EGF: variants seen among roughly 807,000 people sequenced by gnomAD.
EGF encodes the protein epidermal growth factor, also known as pro-epidermal growth factor.
In EGF, 95 loss-of-function variants were observed where a neutral mutation model predicts 143.8. The ratio of observed to expected loss-of-function variants is 0.66; its 90% CI spans 0.56 to 0.78. The LOEUF (loss-of-function observed/expected upper bound fraction) is 0.78. EGF is among the 30% of genes least tolerant of loss of function. The pLI, the probability that EGF is intolerant of heterozygous loss-of-function variation, is 0.00. For missense variants in EGF, 1,320 were observed against 1,470.9 expected (o/e 0.90, Z 1.68); for synonymous variants, 510 against 510.5 (o/e 1.00, Z 0.01).
At chr4:110,011,067 C>T (rs753629618) in intron 23 of EGF, 135 bp from the exon 24 acceptor site, 82 of 1,001,354 alleles carry the variant, frequency 8.2e-5, no homozygotes, top group Non-Finnish European at 1.2e-4. Flanking sequence ...AAAAATGTGT[C>T]TAGAGTAGTT....
chr4:109,946,193 C>T (rs1338550911), intron 5 of EGF, among the ~76,000 whole-genome samples: 1 of 152,162 alleles, frequency 6.6e-6, no homozygotes, highest in African/African-American at 2.4e-5. Flanking sequence ...CAGACAGGTA[C>T]GTTTTGTTTG....
chr4:110,002,129 C>G (rs1265888810), intron 21 of EGF: 3 of 760,434 alleles, frequency 3.9e-6, no homozygotes, highest in Non-Finnish European at 4.8e-6. Context: ...TATTTCCTCC[C>G]TTATACCATT....
intron 1 of EGF, among the ~76,000 whole-genome samples, chr4:109,939,576 A>G (rs1741554108): frequency 6.6e-6 from 1 of 152,196 alleles, no homozygotes; most frequent in Admixed American, 6.5e-5. Context: ...AGTGGGATGA[A>G]CCAGGTACCT....
intron 1 of EGF, among the ~76,000 whole-genome samples, chr4:109,932,267 A>G (rs1217262312): frequency 4.7e-5 from 7 of 148,492 alleles, no homozygotes; most frequent in Admixed American, 1.3e-4. Flanking sequence ...TGTACAGAGG[A>G]TTGTACTGCA....
At chr4:109,965,740 C>T (rs1746451226) in intron 10 of EGF, among the ~76,000 whole-genome samples, 1 of 152,034 alleles carries the variant, frequency 6.6e-6, no homozygotes, top group Non-Finnish European at 1.5e-5. Flanking sequence ...CTGCAGTCCT[C>T]CAGGTTCCAC....
intron 11 of EGF, among the ~76,000 whole-genome samples, chr4:109,972,249 A>G (rs1747775204): frequency 6.6e-6 from 1 of 152,164 alleles, no homozygotes; most frequent in African/African-American, 2.4e-5. Context: ...CTCACTACCA[A>G]CACTGGAGTT....
chr4:109,990,158 T>C (rs1436834791), intron 18 of EGF, among the ~76,000 whole-genome samples: 1 of 152,146 alleles, frequency 6.6e-6, no homozygotes, highest in Non-Finnish European at 1.5e-5. Flanking sequence ...CCATCTGGGA[T>C]AGCAATTCAA....
intron 16 of EGF, among the ~76,000 whole-genome samples, chr4:109,986,764 G>T (rs1474667205): frequency 6.6e-6 from 1 of 151,436 alleles, no homozygotes; most frequent in African/African-American, 2.4e-5. Flanking sequence ...AAAAAAACCT[G>T]CTCATGTTTA....
At chr4:109,992,938 G>T (rs1751204064) in intron 18 of EGF, among the ~76,000 whole-genome samples, 1 of 131,772 alleles carries the variant, frequency 7.6e-6, no homozygotes, top group Non-Finnish European at 1.6e-5. Flanking sequence ...CACACACAGG[G>T]GCCTGTTGTG....
Position 109,943,413 on chromosome 4 carries a change from G to C in EGF, c.487G>C (p.Val163Leu). ...LLSALKYPAN[V>L]AVDPVERFIF... ...AAGTGCTTTAAAATATCCTGCAAAT[G>C]TAGCAGTTGATCCAGTAGAAAGGTA... The change falls in exon 3 of 24, where the codon GTA becomes CTA. Residue 163 changes from valine (V) to leucine (L), a missense_variant. Physicochemically the swap from Val to Leu is conservative, Grantham distance 32. Transcript: ENST00000265171. 1.9e-6 allele frequency: 3 copies of C among 1,613,754 alleles called. No individual in the cohort carries two copies. Among genetic ancestry groups the C allele is most frequent in the Non-Finnish European group, 2.5e-6 (3 of 1,179,770 alleles).
At chr4:109,925,329 T>C (rs1738451696) in intron 1 of EGF, among the ~76,000 whole-genome samples, 1 of 152,240 alleles carries the variant, frequency 6.6e-6, no homozygotes, top group African/African-American at 2.4e-5. Flanking sequence ...TACTGTTGAA[T>C]GGAAGTAAAG....
Position 109,988,820 on chromosome 4 carries a change from T to C in EGF, c.2734+111T>C. The C allele has an allele frequency of 6.6e-6, 10 of 1,519,058 alleles. No homozygotes were observed. In the South Asian group the frequency reaches 1.1e-4, roughly 17 times the overall value. The allele number at this position is 1,519,058 out of a possible 1,614,324, so 94.1% of individuals were successfully genotyped here. A position where few individuals can be genotyped will look rare whatever the true frequency, so the allele number is the denominator to read the frequency against. On this transcript the variant is annotated intron_variant, in intron 18 of 23. Coordinates refer to ENST00000265171, the MANE Select transcript of EGF (RefSeq NM_001963.6). ...CAGGATATAATTGGGGTGACACACA[T>C]GTCAAGATTTAAAGAGTTGTGCGAC... is the stretch of plus-strand genomic sequence containing the variant.
intron 1 of EGF, among the ~76,000 whole-genome samples, chr4:109,921,684 T>C (rs1217076427): frequency 6.6e-6 from 1 of 151,532 alleles, no homozygotes; most frequent in Non-Finnish European, 1.5e-5. Context: ...AGGTGGTTCT[T>C]TCTGTGGGTA....
intron 21 of EGF, among the ~76,000 whole-genome samples, chr4:110,000,260 A>G (rs1752400231): frequency 1.3e-5 from 2 of 152,176 alleles, no homozygotes; most frequent in African/African-American, 4.8e-5. Context: ...CAAAAAAAAA[A>G]AAAAAAAAAA....
intron 21 of EGF, 73 bp downstream of exon 21, chr4:109,999,919 A>G: frequency 6.3e-7 from 1 of 1,595,294 alleles, no homozygotes; most frequent in Non-Finnish European, 8.6e-7. Flanking sequence ...TCTCCTTGAG[A>G]TGAGATGTAT....
At chr4:110,009,578 T>A (rs1350260986) in intron 23 of EGF, among the ~76,000 whole-genome samples, 1 of 152,166 alleles carries the variant, frequency 6.6e-6, no homozygotes, top group Non-Finnish European at 1.5e-5. Context: ...TGTTGTTTTT[T>A]TCCCCCCGCA....
chr4:109,995,552 C>A (rs1369197915), intron 20 of EGF, among the ~76,000 whole-genome samples: 1 of 152,178 alleles, frequency 6.6e-6, no homozygotes, highest in Non-Finnish European at 1.5e-5. Flanking sequence ...ACTCCGAAAA[C>A]CTTTCCTGTG....
In EGF at chr4:109,960,990, G is replaced by A. The variant is rs764061176; in HGVS notation, c.1189+1G>A. On this transcript the variant is annotated splice_donor_variant, in intron 7 of 23. Coordinates refer to ENST00000265171, the MANE Select transcript of EGF (RefSeq NM_001963.6). LOFTEE classifies it high-confidence loss of function. ...CTTCCTGATGGGAAACGATGTCATC[G>A]TAAGTTATAGCAACAAGTATTTATT... is the stretch of plus-strand genomic sequence containing the variant. 1.2e-5 allele frequency: 19 copies of A among 1,613,642 alleles called. No homozygotes were observed. Among genetic ancestry groups the A allele is most frequent in the African/African-American group, 2.7e-5 (2 of 74,880 alleles).
intron 18 of EGF, 95 bp downstream of exon 18, chr4:109,988,804 A>C: frequency 6.4e-7 from 1 of 1,569,846 alleles, no homozygotes; most frequent in Non-Finnish European, 8.7e-7. Flanking sequence ...ACAGGATATA[A>C]TTGGGGTGAC....
Sources: gnomAD v4.1 joint callset for allele counts (sites outside exome capture counted in the v4.1 genomes callset) on GRCh38, gnomAD v4.1.1 for gene constraint, MANE v1.5 for transcripts, NCBI Gene and HGNC (gene_info 2026-07-23, HGNC 2026-07-21) for gene names.